DIAPH2: variants seen among roughly 807,000 people sequenced by gnomAD.
DIAPH2 encodes the protein protein diaphanous homolog 2.
Under a neutral mutation model 92.7 loss-of-function variants are expected in DIAPH2, and 35 were observed. That is an observed-to-expected ratio of 0.38 (90% CI 0.29 to 0.50). The LOEUF (loss-of-function observed/expected upper bound fraction) is 0.50, where lower values mean the gene tolerates loss of function less well. Among genes scored for constraint, DIAPH2 ranks in the 20% least tolerant of loss-of-function variants. DIAPH2 has a pLI of 0.94. For synonymous variants in DIAPH2, 301 were observed against 280.4 expected (o/e 1.07, Z -0.73); for missense variants, 701 against 819.5 (o/e 0.86, Z 1.77).
At chrX:96,798,209 G>T (rs1314771373) in intron 4 of DIAPH2, among the ~76,000 whole-genome samples, 2 of 112,102 alleles carry the variant, frequency 1.8e-5, no homozygotes, top group Non-Finnish European at 3.8e-5. Flanking sequence ...TATTTGTTTT[G>T]ATCTATCCCT....
intron 17 of DIAPH2, among the ~76,000 whole-genome samples, chrX:97,010,805 A>G (rs762158733): frequency 3.0e-4 from 34 of 111,789 alleles, no homozygotes; most frequent in Non-Finnish European, 5.5e-4. Context: ...TACTTTTCCA[A>G]TGCAAACCAC....
At chrX:97,545,531 A>AT (rs1359577076) in intron 26 of DIAPH2, among the ~76,000 whole-genome samples, 7 of 19,061 alleles carry the variant, frequency 3.7e-4, no homozygotes, top group African/African-American at 5.3e-4. Context: ...TGAAAAAAAA[A>AT]AAATATATAT....
At chrX:97,485,628 A>C (rs1041671918) in intron 26 of DIAPH2, among the ~76,000 whole-genome samples, 2 of 112,977 alleles carry the variant, frequency 1.8e-5, no homozygotes, top group African/African-American at 6.4e-5. Context: ...ATCACACTGC[A>C]TTGATGCATT....
intron 1 of DIAPH2, among the ~76,000 whole-genome samples, chrX:96,686,351 G>A: frequency 9.1e-6 from 1 of 110,012 alleles, no homozygotes; most frequent in Non-Finnish European, 1.9e-5. Flanking sequence ...GGTTTGGTAC[G>A]TCTAGCAAGA....
chrX:97,597,625 C>T (rs2071562163), intron 26 of DIAPH2, among the ~76,000 whole-genome samples: 1 of 111,989 alleles, frequency 8.9e-6, no homozygotes, highest in South Asian at 3.8e-4. Context: ...ACACTGAATA[C>T]TTTCATGCTA....
intron 26 of DIAPH2, among the ~76,000 whole-genome samples, chrX:97,590,058 C>G (rs2071507148): frequency 8.9e-6 from 1 of 112,407 alleles, no homozygotes; most frequent in Non-Finnish European, 1.9e-5. Flanking sequence ...TAAGCACAGG[C>G]TAGCATGGGG....
chrX:97,192,756 C>A (rs5967131), intron 22 of DIAPH2, among the ~76,000 whole-genome samples: 1 of 110,334 alleles, frequency 9.1e-6, no homozygotes, highest in African/African-American at 3.3e-5. Context: ...TAAAAAGTGC[C>A]TCCCGATTTT....
At chrX:96,984,739 G>T (rs368732865) in intron 17 of DIAPH2, among the ~76,000 whole-genome samples, 1 of 111,248 alleles carries the variant, frequency 9.0e-6, no homozygotes, top group African/African-American at 3.3e-5. Context: ...TTCCTTAGCC[G>T]CTGGGCAATG....
chrX:97,461,455 A>C (rs996890972), intron 26 of DIAPH2, among the ~76,000 whole-genome samples: 1 of 111,668 alleles, frequency 9.0e-6, no homozygotes, highest in Non-Finnish European at 1.9e-5. Context: ...ATAACATTAC[A>C]TTTTGGAGTA....
chrX:97,598,749 A>ATCAT (rs942907579), intron 26 of DIAPH2, among the ~76,000 whole-genome samples: 2 of 111,630 alleles, frequency 1.8e-5, no homozygotes, highest in African/African-American at 6.5e-5. Context: ...ATTTTTTTAC[A>ATCAT]TCATACAATC....
chrX:97,471,039 C>G (rs1039014212), intron 26 of DIAPH2, among the ~76,000 whole-genome samples: 1 of 111,828 alleles, frequency 8.9e-6, no homozygotes, highest in Non-Finnish European at 1.9e-5. Flanking sequence ...GGAGGTGTCG[C>G]TAGGAAAATT....
At chrX:96,896,566 T>G (rs1011523196) in intron 5 of DIAPH2, among the ~76,000 whole-genome samples, 7 of 112,137 alleles carry the variant, frequency 6.2e-5, no homozygotes, top group African/African-American at 2.3e-4. Context: ...TGTTTGTAAA[T>G]GAAGAAAAAT....
At chrX:97,171,347 A>AT (rs776146347) in intron 22 of DIAPH2, among the ~76,000 whole-genome samples, 85 of 112,286 alleles carry the variant, frequency 7.6e-4, no homozygotes, top group African/African-American at 2.6e-3. Context: ...TCAATATGTA[A>AT]TTATAGTCTT....
At chrX:97,557,213 G>A (rs757342312) in intron 26 of DIAPH2, among the ~76,000 whole-genome samples, 21 of 111,748 alleles carry the variant, frequency 1.9e-4, no homozygotes, top group African/African-American at 5.8e-4. Context: ...GATGGTAGAC[G>A]GCAGAGGACC....
chrX:97,491,588 T>G (rs2070726114), intron 26 of DIAPH2, among the ~76,000 whole-genome samples: 1 of 110,531 alleles, frequency 9.0e-6, no homozygotes, highest in Non-Finnish European at 1.9e-5. Context: ...TTTTTGTATT[T>G]TTAGTACAGA....
Position 96,912,390 on chromosome X carries a change from T to C in DIAPH2, c.650T>C (p.Leu217Pro). The C allele has an allele frequency of 8.3e-7, 1 of 1,202,264 alleles. No homozygotes were observed. Reference protein sequence around the residue: ...GLLLDELEKLLDKKQQENIDK... With the variant: ...GLLLDELEKLPDKKQQENIDK... ...TTATTGGATGAGCTGGAAAAGCTTCTGGACAAAAAACAGTAAGAATAAACA... is the reference window on the plus strand; with the variant it reads ...TTATTGGATGAGCTGGAAAAGCTTCCGGACAAAAAACAGTAAGAATAAACA... The change falls in exon 6 of 27, where the codon CTG (leucine) becomes CCG (proline). Residue 217 changes from leucine (L) to proline (P), a missense_variant. By Grantham distance (98) the Leu-to-Pro change is moderately conservative. Coordinates refer to ENST00000324765, the MANE Select transcript of DIAPH2 (RefSeq NM_006729.5).
intron 22 of DIAPH2, among the ~76,000 whole-genome samples, chrX:97,156,854 C>A (rs1405085493): frequency 9.0e-6 from 1 of 111,081 alleles, no homozygotes; most frequent in African/African-American, 3.3e-5. Flanking sequence ...ACTATGAACG[C>A]TCAAAAGTAA....
intron 17 of DIAPH2, among the ~76,000 whole-genome samples, chrX:97,068,688 TAAA>T (rs2066649220): frequency 8.9e-6 from 1 of 112,185 alleles, no homozygotes; most frequent in Non-Finnish European, 1.9e-5. Context: ...ACCAATATGT[TAAA>T]AAATTATTTC....
At chrX:97,102,871 T>C (rs186947295) in intron 20 of DIAPH2, among the ~76,000 whole-genome samples, 182 of 110,392 alleles carry the variant, frequency 1.6e-3, no homozygotes, top group African/African-American at 5.6e-3. Context: ...ACCTGGGAGG[T>C]GGAGGCTGCA....
Sources: gnomAD v4.1 joint callset for allele counts (sites outside exome capture counted in the v4.1 genomes callset) on GRCh38, gnomAD v4.1.1 for gene constraint, MANE v1.5 for transcripts, NCBI Gene and HGNC (gene_info 2026-07-23, HGNC 2026-07-21) for gene names.